CHP1: variants seen among roughly 807,000 people sequenced by gnomAD.
The protein encoded by CHP1 is calcineurin like EF-hand protein 1.
In CHP1, 11 loss-of-function variants were observed where a neutral mutation model predicts 27.4. The observed-to-expected ratio is 0.40, with a 90% CI of 0.25 to 0.67. CHP1 has a LOEUF of 0.67. Among genes scored for constraint, CHP1 ranks in the 30% least tolerant of loss-of-function variants. The pLI, the probability that CHP1 is intolerant of heterozygous loss-of-function variation, is 0.38. For missense variants in CHP1, 169 were observed against 251.3 expected, an observed-to-expected ratio of 0.67 and a Z score of 2.22; for synonymous variants, 89 against 87.4, an observed-to-expected ratio of 1.02 and a Z score of -0.10.
chr15:41,278,332 CAAAAAAA>C (rs61453137), intron 5 of CHP1, among the ~76,000 whole-genome samples: 2 of 78,560 alleles, frequency 2.5e-5, no homozygotes, highest in African/African-American at 4.9e-5. Flanking sequence ...GACTCCGTCT[CAAAAAAA>C]AAAAAAAAAA....
intron 5 of CHP1, among the ~76,000 whole-genome samples, chr15:41,272,660 G>A (rs1378124585): frequency 6.6e-6 from 1 of 151,488 alleles, no homozygotes; most frequent in Non-Finnish European, 1.5e-5. Context: ...GGCTCAAGCA[G>A]TTCGCCCACT....
chr15:41,273,960 TC>T (rs1230058318), intron 5 of CHP1, among the ~76,000 whole-genome samples: 1 of 151,018 alleles, frequency 6.6e-6, no homozygotes, highest in African/African-American at 2.4e-5. Context: ...CTAATAAACT[TC>T]TTTTTTTTTA....
intron 4 of CHP1, among the ~76,000 whole-genome samples, chr15:41,270,022 C>T (rs1047629112): frequency 5.3e-5 from 8 of 152,094 alleles, no homozygotes; most frequent in Non-Finnish European, 1.5e-5. Flanking sequence ...CATGATAAAG[C>T]CAGGAGACCA....
At chr15:41,259,622 A>G (rs1567008608) in intron 3 of CHP1, among the ~76,000 whole-genome samples, 1 of 151,412 alleles carries the variant, frequency 6.6e-6, no homozygotes, top group Non-Finnish European at 1.5e-5. Context: ...ATAATCATTA[A>G]TGTGTTTTTT....
At chr15:41,263,248 C>A (rs1040644240) in intron 4 of CHP1, among the ~76,000 whole-genome samples, 1 of 152,190 alleles carries the variant, frequency 6.6e-6, no homozygotes, top group African/African-American at 2.4e-5. Flanking sequence ...CATTGAGCAC[C>A]TACCGTGTGC....
chr15:41,269,493 T>C (rs747073332), intron 4 of CHP1, among the ~76,000 whole-genome samples: 1 of 152,182 alleles, frequency 6.6e-6, no homozygotes, highest in Non-Finnish European at 1.5e-5. Context: ...CATTTCTGTT[T>C]GTCTTTCAAG....
At chr15:41,237,502 T>C (rs886181324) in intron 1 of CHP1, among the ~76,000 whole-genome samples, 3 of 152,206 alleles carry the variant, frequency 2.0e-5, no homozygotes, top group Non-Finnish European at 4.4e-5. Flanking sequence ...AGATTTTGTT[T>C]GTTTTATATA....
At chr15:41,252,642 G>GAGCA (rs2047375772) in intron 2 of CHP1, among the ~76,000 whole-genome samples, 2 of 152,156 alleles carry the variant, frequency 1.3e-5, no homozygotes, top group Non-Finnish European at 2.9e-5. Flanking sequence ...CAGTGAAGGT[G>GAGCA]AGCAGTATAG....
rs34921023 is a variant in CHP1 at position 41,280,505 on chromosome 15, A to ATTTTTTTTTTTTTTTTTTTTTT, written c.*1122_*1143dup. On this transcript the variant is annotated 3_prime_UTR_variant, in exon 7 of 7. Coordinates refer to ENST00000334660, the MANE Select transcript of CHP1 (RefSeq NM_007236.5). Reference sequence around the variant, plus strand: ...GGAAGTGCCTAATATCCCAGTCCAAATTTTTTTTTTTTTTTTTTTTTTTTT... The same window carrying ATTTTTTTTTTTTTTTTTTTTTT: ...GGAAGTGCCTAATATCCCAGTCCAAATTTTTTTTTTTTTTTTTTTTTTTTTTTTTTTTTTTTTTTTTTTTTTT... The ATTTTTTTTTTTTTTTTTTTTTT allele has an allele frequency of 8.1e-5, 9 of 111,340 alleles. 1 individual carries two copies. Among genetic ancestry groups the ATTTTTTTTTTTTTTTTTTTTTT allele is most frequent in the Non-Finnish European group, 8.8e-5 (5 of 56,608 alleles). The allele number at this position is 111,340 out of a possible 1,614,324, so 6.9% of individuals were successfully genotyped here.
chr15:41,256,590 G>A, intron 2 of CHP1: 1 of 291,182 alleles, frequency 3.4e-6, no homozygotes, highest in Non-Finnish European at 6.6e-6. Flanking sequence ...AACTAGGTAC[G>A]CAATGCTAAT....
At chr15:41,237,604 G>A (rs968149750) in intron 1 of CHP1, among the ~76,000 whole-genome samples, 1 of 152,206 alleles carries the variant, frequency 6.6e-6, no homozygotes, top group Non-Finnish European at 1.5e-5. Flanking sequence ...TCTATTCCGG[G>A]AAGCGCAGGC....
At chr15:41,277,253 G>A (rs562042353) in intron 5 of CHP1, among the ~76,000 whole-genome samples, 1 of 152,220 alleles carries the variant, frequency 6.6e-6, no homozygotes, top group Non-Finnish European at 1.5e-5. Flanking sequence ...AGGCTATGTG[G>A]TGTGGCCTAT....
intron 2 of CHP1, among the ~76,000 whole-genome samples, chr15:41,253,897 G>T (rs936695609): frequency 6.6e-6 from 1 of 151,438 alleles, no homozygotes; most frequent in Admixed American, 6.6e-5. Flanking sequence ...CAATCCTCCC[G>T]CTTCAGCTTC....
chr15:41,266,578 A>G (rs1214377572), intron 4 of CHP1, among the ~76,000 whole-genome samples: 1 of 152,202 alleles, frequency 6.6e-6, no homozygotes, highest in Non-Finnish European at 1.5e-5. Flanking sequence ...TTGGGAGAGT[A>G]GCCAGGAAGA....
At chr15:41,266,237 C>T (rs2047459641) in intron 4 of CHP1, among the ~76,000 whole-genome samples, 1 of 151,952 alleles carries the variant, frequency 6.6e-6, no homozygotes, top group Admixed American at 6.6e-5. Flanking sequence ...GAGCCGAGAT[C>T]ACGCTATTGC....
At chr15:41,250,257 C>T (rs1172412757) in intron 2 of CHP1, among the ~76,000 whole-genome samples, 1 of 152,112 alleles carries the variant, frequency 6.6e-6, no homozygotes, top group Non-Finnish European at 1.5e-5. Flanking sequence ...TTTGCAATTT[C>T]CCTGTCTGCC....
At chr15:41,250,107 A>G (rs1277497952) in intron 2 of CHP1, among the ~76,000 whole-genome samples, 1 of 149,250 alleles carries the variant, frequency 6.7e-6, no homozygotes, top group Non-Finnish European at 1.5e-5. Context: ...AAAAAAAAAA[A>G]GCAAAAAGTT....
chr15:41,246,683 C>T (rs1322091785), intron 2 of CHP1, among the ~76,000 whole-genome samples: 1 of 128,284 alleles, frequency 7.8e-6, no homozygotes, highest in Non-Finnish European at 1.6e-5. Context: ...CCCATGGTCT[C>T]GATATCCTGA....
At chr15:41,256,716 A>C (rs765816886) in intron 2 of CHP1, 194 bp from the exon 3 acceptor site, 1 of 579,554 alleles carries the variant, frequency 1.7e-6, no homozygotes, top group East Asian at 3.0e-5. Flanking sequence ...GGCTCCTTCC[A>C]CTTCTGAGTT....
Sources: gnomAD v4.1 joint callset for allele counts (sites outside exome capture counted in the v4.1 genomes callset) on GRCh38, gnomAD v4.1.1 for gene constraint, MANE v1.5 for transcripts, NCBI Gene and HGNC (gene_info 2026-07-23, HGNC 2026-07-21) for gene names.